Variants in SERPINF1 observed in about 807,000 individuals in gnomAD.
SERPINF1 encodes the protein serpin family F member 1, also known as pigment epithelium-derived factor.
A neutral mutation model predicts 37.3 loss-of-function variants in SERPINF1; 29 were observed. The observed-to-expected ratio is 0.78, with a 90% CI of 0.58 to 1.06. The LOEUF (loss-of-function observed/expected upper bound fraction) is 1.06. Ranked by LOEUF, SERPINF1 falls within the 50% of genes least tolerant of loss-of-function variation. The pLI is 0.00. For missense variants in SERPINF1, 553 were observed against 532.2 expected (o/e 1.04, Z -0.38); for synonymous variants, 281 against 227.9 (o/e 1.23, Z -2.10).
Position 1,776,567 on chromosome 17 carries a change from C to T in SERPINF1, c.822C>T (p.Ile274=), listed in dbSNP as rs1217407060. Residue 274 remains isoleucine (I), a synonymous_variant, in exon 7 of 8, where the codon ATC becomes ATT. Coordinates refer to ENST00000254722, the MANE Select transcript of SERPINF1 (RefSeq NM_002615.7). Reference sequence around the variant, plus strand: ...TGCCCTTGACCGGAAGCATGAGTATCATCTTCTTCCTGCCCCTGAAAGTGA... The same window carrying T: ...TGCCCTTGACCGGAAGCATGAGTATTATCTTCTTCCTGCCCCTGAAAGTGA... ...AQLPLTGSMS[I]IFFLPLKVTQ... The T allele has an allele frequency of 1.7e-5, 28 of 1,614,048 alleles. No homozygotes were observed. The highest frequency in any genetic ancestry group is 2.2e-5 in the Non-Finnish European group (26 of 1,180,032).
At chr17:1,765,889 AT>A (rs368311418) in intron 1 of SERPINF1, among the ~76,000 whole-genome samples, 32,446 of 138,560 alleles carry the variant, frequency 0.23, 3,958 homozygotes, top group Non-Finnish European at 0.32. Context: ...AAAAAAAAAA[AT>A]TTCAAATGTG....
rs572635913 is a variant in SERPINF1, at chr17:1,771,318, G to T, written c.439+134G>T. 1.0e-5 allele frequency: 9 copies of T among 887,664 alleles called. No homozygotes were observed. The Admixed American group carries it at 2.3e-4, about 22-fold the overall frequency. The allele number at this position is 887,664 out of a possible 1,614,324, so 55.0% of individuals were successfully genotyped here. A position where few individuals can be genotyped will look rare whatever the true frequency, so the allele number is the denominator to read the frequency against. On this transcript the variant is annotated intron_variant, in intron 4 of 7. Transcript: ENST00000254722. ...GGCTGGAGTGCAGTGGCGTGATCTCGGCTCACTGCAACCTCCACCTCCCGG... is the reference window on the plus strand; with the variant it reads ...GGCTGGAGTGCAGTGGCGTGATCTCTGCTCACTGCAACCTCCACCTCCCGG...
At chr17:1,769,587 G>T in intron 2 of SERPINF1, 1 of 524,452 alleles carries the variant, frequency 1.9e-6, no homozygotes, top group Non-Finnish European at 3.5e-6. Context: ...TCGCGCCACT[G>T]AACTCTAGCC....
Position 1,771,016 on chromosome 17 carries a change from T to C in SERPINF1, c.284-13T>C. ...TGTGCAGTTATCAACGTCCACATCC[T>C]TGTCTCTGGCAGGAGCGGAGCAGCG... is the stretch of plus-strand genomic sequence containing the variant. On this transcript the variant is annotated splice_polypyrimidine_tract_variant and intron_variant, in intron 3 of 7. Transcript: ENST00000254722. The C allele has an allele frequency of 6.2e-7, 1 of 1,613,954 alleles. No homozygotes were observed. The highest frequency in any genetic ancestry group is 1.1e-5 in the South Asian group (1 of 91,084).
intron 2 of SERPINF1, among the ~76,000 whole-genome samples, chr17:1,769,441 G>C (rs966158021): frequency 6.6e-6 from 1 of 150,828 alleles, no homozygotes; most frequent in East Asian, 2.0e-4. Flanking sequence ...CATAGGTTTC[G>C]GCTTATAGGT....
chr17:1,772,117 T>A, intron 5 of SERPINF1, 42 bp downstream of exon 5: 1 of 1,576,516 alleles, frequency 6.3e-7, no homozygotes, highest in South Asian at 1.1e-5. Context: ...TTTACTGTAT[T>A]TTAACTAATT....
At chr17:1,773,078 G>A (rs1277082089) in intron 5 of SERPINF1, among the ~76,000 whole-genome samples, 1 of 152,210 alleles carries the variant, frequency 6.6e-6, no homozygotes, top group Non-Finnish European at 1.5e-5. Flanking sequence ...ACAGCTGGGG[G>A]AGGATCTGGG....
chr17:1,776,678 C>T lies in SERPINF1; in HGVS notation c.933C>T (p.Val311=). The T allele has an allele frequency of 6.2e-7, 1 of 1,613,428 alleles. No individual in the cohort carries two copies. The highest frequency in any genetic ancestry group is 1.3e-5 in the African/African-American group (1 of 74,904). The change falls in exon 7 of 8, where the codon GTC becomes GTT. Residue 311 remains valine, a synonymous_variant. Transcript: ENST00000254722. ...GAGAACTGAAGACCGTGCAGGCGGT[C>T]CTCACTGTCCCCAAGCTGAAGCTGA... ...IDRELKTVQA[V]LTVPKLKLSY... is the part of the protein sequence containing the mutation.
chr17:1,767,168 C>T (rs535013129), intron 2 of SERPINF1, among the ~76,000 whole-genome samples, 174 bp downstream of exon 2: 1 of 152,268 alleles, frequency 6.6e-6, no homozygotes, highest in African/African-American at 2.4e-5. Flanking sequence ...CTTGCCTTGC[C>T]TTTCAGGGGA....
chr17:1,771,288 G>T (rs1907722618), intron 4 of SERPINF1, 104 bp downstream of exon 4: 2 of 1,247,500 alleles, frequency 1.6e-6, no homozygotes, highest in South Asian at 1.4e-5. Flanking sequence ...TCGCTCTGTT[G>T]CCCAGGCTGG....
intron 3 of SERPINF1, chr17:1,770,775 G>A (rs1907678658): frequency 4.2e-6 from 2 of 471,838 alleles, no homozygotes; most frequent in Non-Finnish European, 7.8e-6. Flanking sequence ...AATCTTAAGG[G>A]CTATGATGGG....
chr17:1,769,893 G>A lies in SERPINF1; in HGVS notation c.126G>A (p.Glu42=), dbSNP rs999095356. 2 of 1,614,202 alleles carry A rather than the reference G, an allele frequency of 1.2e-6. No individual in the cohort carries two copies. The highest frequency in any genetic ancestry group is 8.5e-7 in the Non-Finnish European group (1 of 1,180,028). Residue 42 remains glutamate, a synonymous_variant, in exon 3 of 8, where the codon GAG becomes GAA. Coordinates refer to ENST00000254722, the MANE Select transcript of SERPINF1 (RefSeq NM_002615.7). ...DPDSTGALVE[E]EDPFFKVPVN... ...ACAGCACAGGGGCGCTGGTGGAGGA[G>A]GAGGATCCTTTCTTCAAAGTCCCCG...
intron 2 of SERPINF1, among the ~76,000 whole-genome samples, chr17:1,768,315 C>A (rs1338989227): frequency 1.3e-5 from 2 of 151,252 alleles, no homozygotes; most frequent in African/African-American, 4.9e-5. Flanking sequence ...CCTGTAGTCC[C>A]AGCTACTCGG....
chr17:1,769,637 A>C (rs1567753938), intron 2 of SERPINF1: 3 of 602,948 alleles, frequency 5.0e-6, no homozygotes, highest in Admixed American at 2.9e-5. Context: ...TAAAAAAAAA[A>C]CAGCTGATCT....
intron 6 of SERPINF1, 145 bp downstream of exon 6, chr17:1,775,345 T>A: frequency 6.3e-6 from 5 of 790,264 alleles, no homozygotes; most frequent in Non-Finnish European, 9.9e-6. Flanking sequence ...GTTAATAACA[T>A]GTCTGAGCTT....
In SERPINF1 at chr17:1,771,977, A is replaced by G; in HGVS notation, c.545A>G (p.Asn182Ser). ...NPRLDLQEINNWVQAQMKGKL... is the reference protein window; with the variant it reads ...NPRLDLQEINSWVQAQMKGKL... ...CGCTTGGACCTGCAAGAGATCAACA[A>G]CTGGGTGCAGGCGCAGATGAAAGGG... Residue 182 changes from asparagine to serine, a missense_variant, in exon 5 of 8, where the codon AAC becomes AGC. Asn to Ser is a conservative substitution (Grantham distance 46). Transcript: ENST00000254722. 2 of 1,613,780 alleles carry G rather than the reference A, an allele frequency of 1.2e-6. No homozygotes were observed. The highest frequency in any genetic ancestry group is 1.7e-6 in the Non-Finnish European group (2 of 1,179,972).
chr17:1,775,589 C>T (rs1026256445), intron 6 of SERPINF1, among the ~76,000 whole-genome samples: 1 of 150,246 alleles, frequency 6.7e-6, no homozygotes, highest in African/African-American at 2.5e-5. Context: ...GTCGGCCAGG[C>T]TGGAGTGCAG....
intron 7 of SERPINF1, among the ~76,000 whole-genome samples, chr17:1,776,980 C>G (rs549207679): frequency 1.3e-5 from 2 of 151,506 alleles, no homozygotes; most frequent in Admixed American, 1.3e-4. Flanking sequence ...CCTCTCAAGA[C>G]GAGTCTGTCT....
In SERPINF1 at chr17:1,769,951, G is replaced by C; in HGVS notation, c.184G>C (p.Gly62Arg). The C allele has an allele frequency of 1.2e-6, 2 of 1,614,100 alleles. No homozygotes were observed. The highest frequency in any genetic ancestry group is 1.7e-6 in the Non-Finnish European group (2 of 1,179,984). ...NKLAAAVSNF[G>R]YDLYRVRSST... is the part of the protein sequence containing the mutation. ...GCTGGCAGCGGCTGTCTCCAACTTCGGCTATGACCTGTACCGGGTGCGATC... is the reference window on the plus strand; with the variant it reads ...GCTGGCAGCGGCTGTCTCCAACTTCCGCTATGACCTGTACCGGGTGCGATC... Residue 62 changes from glycine (G) to arginine (R), a missense_variant, in exon 3 of 8, where the codon GGC becomes CGC. Coordinates refer to ENST00000254722, the MANE Select transcript of SERPINF1 (RefSeq NM_002615.7).
Sources: allele counts gnomAD v4.1 joint callset (sites outside exome capture counted in the v4.1 genomes callset), GRCh38; gene constraint gnomAD v4.1.1; transcripts MANE v1.5; gene names NCBI Gene and HGNC (gene_info 2026-07-23, HGNC 2026-07-21).